Variants in MAPK4 observed in about 807,000 individuals in gnomAD.
The protein encoded by MAPK4 is Erk3-related.
A neutral mutation model predicts 47.7 loss-of-function variants in MAPK4; 22 were observed. The ratio of observed to expected loss-of-function variants is 0.46; its 90% CI spans 0.33 to 0.66. MAPK4 has a LOEUF of 0.66. Among genes scored for constraint, MAPK4 ranks in the 30% least tolerant of loss-of-function variants. The probability of loss-of-function intolerance (pLI) is 0.02; values close to 1 mark genes in which losing one functional copy is unlikely to be tolerated. For synonymous variants in MAPK4, 390 were observed against 365.7 expected (o/e 1.07, Z -0.76); for missense variants, 736 against 831.7 (o/e 0.88, Z 1.42).
intron 1 of MAPK4, among the ~76,000 whole-genome samples, chr18:50,597,058 A>T (rs921616195): frequency 1.3e-5 from 2 of 152,192 alleles, no homozygotes; most frequent in Non-Finnish European, 2.9e-5. Context: ...TACCCATATA[A>T]CCATTACCCC....
chr18:50,709,380 G>A (rs1049965163), intron 2 of MAPK4, among the ~76,000 whole-genome samples: 40 of 152,356 alleles, frequency 2.6e-4, no homozygotes, highest in South Asian at 4.1e-4. Flanking sequence ...GGGTGGAGAG[G>A]GAGCACAGAG....
At chr18:50,566,994 A>G (rs151265011) in intron 1 of MAPK4, among the ~76,000 whole-genome samples, 1 of 152,292 alleles carries the variant, frequency 6.6e-6, no homozygotes, top group African/African-American at 2.4e-5. Context: ...TTTTATTAGA[A>G]TAAACAATGT....
chr18:50,660,452 T>C (rs2043158198), intron 1 of MAPK4, among the ~76,000 whole-genome samples: 1 of 152,208 alleles, frequency 6.6e-6, no homozygotes, highest in Non-Finnish European at 1.5e-5. Context: ...ATCACCACTG[T>C]GTAGACATAA....
At chr18:50,628,561 C>G (rs187303810) in intron 1 of MAPK4, among the ~76,000 whole-genome samples, 30 of 152,316 alleles carry the variant, frequency 2.0e-4, no homozygotes, top group African/African-American at 6.3e-4. Flanking sequence ...GATCCATGTT[C>G]TTATTTAATC....
chr18:50,664,527 A>T lies in MAPK4; in HGVS notation c.546+23A>T, dbSNP rs777307104. 2.6e-6 allele frequency: 4 copies of T among 1,557,654 alleles called. No individual in the cohort carries two copies. In the Admixed American group the frequency reaches 7.2e-5, roughly 28 times the overall value. ...AAGGTATGTCTGGCTGGAATGGCGG[A>T]TACTGGTGGTCCACAGAATCCCCAA... is the stretch of plus-strand genomic sequence containing the variant. On this transcript the variant is annotated intron_variant, in intron 2 of 5. Coordinates refer to ENST00000400384, the MANE Select transcript of MAPK4 (RefSeq NM_002747.4). The surrounding 1 kb of genome is among the most constrained non-coding windows in gnomAD (Gnocchi z 6.0).
intron 1 of MAPK4, among the ~76,000 whole-genome samples, chr18:50,620,581 A>G (rs1328107741): frequency 6.6e-6 from 1 of 152,108 alleles, no homozygotes; most frequent in African/African-American, 2.4e-5. Context: ...AAATATGAAA[A>G]CCATCATATC....
intron 2 of MAPK4, chr18:50,705,456 T>C (rs1909998253): frequency 6.6e-6 from 1 of 152,154 alleles, no homozygotes; most frequent in African/African-American, 2.4e-5. Flanking sequence ...TGCAGTAATA[T>C]CCCCAAATGT....
intron 1 of MAPK4, among the ~76,000 whole-genome samples, chr18:50,573,180 A>G (rs2042264844): frequency 6.6e-6 from 1 of 152,224 alleles, no homozygotes; most frequent in Non-Finnish European, 1.5e-5. Context: ...TTTAATAAGT[A>G]AATAAGGAGA....
chr18:50,676,950 G>C lies in MAPK4; in HGVS notation c.546+12446G>C, dbSNP rs193193021. Among the ~76,000 whole-genome samples, 24 of 152,308 alleles carry C rather than the reference G, an allele frequency of 1.6e-4. No homozygotes were observed. In the East Asian group the frequency reaches 4.6e-3, roughly 29 times the overall value. ...AACCCCTGGGCTGAGGACCAGGACTGTCTGTGGCCTCTTAGAAACCAGGCC... is the reference window on the plus strand; with the variant it reads ...AACCCCTGGGCTGAGGACCAGGACTCTCTGTGGCCTCTTAGAAACCAGGCC... On this transcript the variant is annotated intron_variant, in intron 2 of 5. Transcript: ENST00000400384.
At chr18:50,573,023 A>G (rs975803753) in intron 1 of MAPK4, among the ~76,000 whole-genome samples, 1 of 152,232 alleles carries the variant, frequency 6.6e-6, no homozygotes, top group Non-Finnish European at 1.5e-5. Flanking sequence ...ATGTACAGTT[A>G]TGATTATGGG....
chr18:50,717,221 A>G (rs4940005), intron 3 of MAPK4, among the ~76,000 whole-genome samples: 113,698 of 152,084 alleles, frequency 0.75, 42,643 homozygotes, highest in Middle Eastern at 0.81. Context: ...ATCACCCAGA[A>G]CTGCTCAGGG....
chr18:50,685,183 CT>C (rs1448979956), intron 2 of MAPK4, among the ~76,000 whole-genome samples: 15 of 152,252 alleles, frequency 9.9e-5, no homozygotes, highest in Admixed American at 5.9e-4. Flanking sequence ...ACATTACTGC[CT>C]GTGCCTTGAA....
At chr18:50,597,536 T>C (rs138843553) in intron 1 of MAPK4, among the ~76,000 whole-genome samples, 97 of 152,326 alleles carry the variant, frequency 6.4e-4, no homozygotes, top group African/African-American at 2.2e-3. Context: ...AGGTGATGAT[T>C]TATAAATCTT....
At chr18:50,616,255 C>T (rs1212338143) in intron 1 of MAPK4, among the ~76,000 whole-genome samples, 1 of 152,164 alleles carries the variant, frequency 6.6e-6, no homozygotes, top group Non-Finnish European at 1.5e-5. Context: ...GTGGAGGCAG[C>T]TTGGCATCAC....
chr18:50,703,743 T>C (rs1283839360), intron 2 of MAPK4, among the ~76,000 whole-genome samples: 1 of 152,168 alleles, frequency 6.6e-6, no homozygotes, highest in Non-Finnish European at 1.5e-5. Context: ...TAAATCCCCA[T>C]CTAGAAGATT....
At chr18:50,649,230 T>G (rs2043022961) in intron 1 of MAPK4, among the ~76,000 whole-genome samples, 1 of 152,186 alleles carries the variant, frequency 6.6e-6, no homozygotes, top group Admixed American at 6.5e-5. Context: ...CCCCTTGAGG[T>G]GTCCTCAGAC....
chr18:50,631,461 C>G (rs1413787238), intron 1 of MAPK4, among the ~76,000 whole-genome samples: 1 of 152,180 alleles, frequency 6.6e-6, no homozygotes, highest in Non-Finnish European at 1.5e-5. Flanking sequence ...TTGTTGCCAT[C>G]AGAGGCTGGC....
intron 1 of MAPK4, among the ~76,000 whole-genome samples, chr18:50,589,591 G>T (rs1159675210): frequency 3.6e-5 from 4 of 111,988 alleles, no homozygotes; most frequent in South Asian, 3.1e-4. Context: ...GCGAGACTCC[G>T]TCTCAAAAAA....
chr18:50,654,186 A>C (rs1260479555), intron 1 of MAPK4, among the ~76,000 whole-genome samples: 1 of 152,236 alleles, frequency 6.6e-6, no homozygotes, highest in Non-Finnish European at 1.5e-5. Flanking sequence ...CTGCAGGTAG[A>C]AAGTAAGTGG....
Sources: gnomAD v4.1 joint callset for allele counts (sites outside exome capture counted in the v4.1 genomes callset) on GRCh38, gnomAD v4.1.1 for gene constraint, Gnocchi (gnomAD v3.1) non-coding constraint, MANE v1.5 for transcripts, NCBI Gene and HGNC (gene_info 2026-07-23, HGNC 2026-07-21) for gene names.